The following CBFA2T3 variants were observed in gnomAD, a reference collection of about 807,000 sequenced individuals.
The protein encoded by CBFA2T3 is CBFA2/RUNX1 partner transcriptional co-repressor 3.
CBFA2T3 carries 31 observed loss-of-function variants against 58.6 expected under a neutral mutation model. That is an observed-to-expected ratio of 0.53 (90% CI 0.40 to 0.71). The LOEUF is 0.71. Ranked by LOEUF, CBFA2T3 falls within the 30% of genes least tolerant of loss-of-function variation. The pLI is 0.00. For missense variants in CBFA2T3, 1,076 were observed against 963.1 expected (o/e 1.12, Z -1.55); for synonymous variants, 531 against 421.9 (o/e 1.26, Z -3.17).
chr16:88,917,710 AAGAATGTTTTCCCTGAAGTGCC>A (rs1418393722), intron 1 of CBFA2T3, among the ~76,000 whole-genome samples: 2 of 152,202 alleles, frequency 1.3e-5, no homozygotes, highest in African/African-American at 2.4e-5. Flanking sequence ...GCGTCAAGTC[AAGAATGTTTTCCCTGAAGTGCC>A]AGAATGTTCC....
chr16:88,941,058 C>T (rs1406880468), intron 1 of CBFA2T3: 3 of 985,550 alleles, frequency 3.0e-6, no homozygotes, highest in South Asian at 9.2e-5. Flanking sequence ...CGGCGGACGG[C>T]GCACACTCGC....
At chr16:88,941,256 C>G (rs1341543211) in intron 1 of CBFA2T3, 8 of 814,548 alleles carry the variant, frequency 9.8e-6, no homozygotes, top group East Asian at 1.3e-4. Flanking sequence ...AAAGCGCGCA[C>G]CCCGCCCGGG....
intron 1 of CBFA2T3, among the ~76,000 whole-genome samples, chr16:88,933,937 C>CG (rs1474276360): frequency 7.1e-6 from 1 of 140,918 alleles, no homozygotes; most frequent in Non-Finnish European, 1.6e-5. Flanking sequence ...ACGCTGCCCC[C>CG]GGGAGAGCTG....
At chr16:88,969,786 C>G (rs78823527) in intron 1 of CBFA2T3, among the ~76,000 whole-genome samples, 3,990 of 152,320 alleles carry the variant, frequency 0.026, 178 homozygotes, top group African/African-American at 0.091. Flanking sequence ...GTGGGCCCTA[C>G]TAGAGGGCAC....
chr16:88,881,125 C>G (rs1309999837), intron 9 of CBFA2T3, 166 bp downstream of exon 9: 1 of 757,882 alleles, frequency 1.3e-6, no homozygotes, highest in Non-Finnish European at 2.3e-6. Context: ...CTCCAGGCTT[C>G]CTGGCAGACC....
chr16:88,878,743 C>T (rs1034157886), intron 11 of CBFA2T3, among the ~76,000 whole-genome samples: 10 of 152,134 alleles, frequency 6.6e-5, no homozygotes, highest in South Asian at 4.1e-4. Flanking sequence ...GTCAGGAGTT[C>T]GAGACCAGCC....
chr16:88,891,725 T>C (rs1444847948), intron 5 of CBFA2T3, among the ~76,000 whole-genome samples, 157 bp downstream of exon 5: 2 of 151,856 alleles, frequency 1.3e-5, no homozygotes, highest in Non-Finnish European at 2.9e-5. Context: ...GGGTCCCAGG[T>C]TGGCCAAGAT....
intron 1 of CBFA2T3, among the ~76,000 whole-genome samples, chr16:88,921,949 C>T (rs903294303): frequency 3.3e-5 from 5 of 152,256 alleles, no homozygotes; most frequent in African/African-American, 1.2e-4. Flanking sequence ...CATTTTGACT[C>T]CCAGTTCACA....
At chr16:88,973,420 C>A (rs1458646214) in intron 1 of CBFA2T3, among the ~76,000 whole-genome samples, 1 of 152,198 alleles carries the variant, frequency 6.6e-6, no homozygotes, top group South Asian at 2.1e-4. Context: ...GCCTTAGTTT[C>A]GGACTTCCAG....
intron 1 of CBFA2T3, among the ~76,000 whole-genome samples, chr16:88,954,067 G>T (rs1182726540): frequency 6.6e-6 from 1 of 152,148 alleles, no homozygotes; most frequent in Non-Finnish European, 1.5e-5. Flanking sequence ...CCCCTCTACA[G>T]CTGCCAGTCA....
chr16:88,936,420 C>T (rs7204277), intron 1 of CBFA2T3, among the ~76,000 whole-genome samples: 3,668 of 151,748 alleles, frequency 0.024, 163 homozygotes, highest in African/African-American at 0.085. Flanking sequence ...TCCACCACGA[C>T]CCCAGCCTCA....
At chr16:88,937,598 C>T (rs1044625696) in intron 1 of CBFA2T3, 1 of 152,306 alleles carries the variant, frequency 6.6e-6, no homozygotes, top group Non-Finnish European at 1.5e-5. Flanking sequence ...GCGTCGGGCT[C>T]CTGCGCTGTG....
In CBFA2T3 at chr16:88,885,341, G is replaced by A; in HGVS notation, c.894-72C>T. The A allele has an allele frequency of 9.2e-7, 1 of 1,086,924 alleles. No individual in the cohort carries two copies. The highest frequency in any genetic ancestry group is 1.7e-5 in the South Asian group (1 of 59,536). The allele number at this position is 1,086,924 out of a possible 1,614,324, so 67.3% of individuals were successfully genotyped here. On this transcript the variant is annotated intron_variant, in intron 6 of 11. Coordinates refer to ENST00000268679, the MANE Select transcript of CBFA2T3 (RefSeq NM_005187.6). The surrounding 1 kb of genome is among the most constrained non-coding windows in gnomAD (Gnocchi z 5.3). ...CCGGGGACAGAGGTGCAGGTGGGGT[G>A]AGAGGCAGACAGGCAAGGGCAGAGA...
At chr16:88,927,445 G>A (rs1294132218) in intron 1 of CBFA2T3, among the ~76,000 whole-genome samples, 3 of 152,306 alleles carry the variant, frequency 2.0e-5, no homozygotes, top group South Asian at 2.1e-4. Context: ...GAATCCTGCC[G>A]GGGTGGAGGA....
chr16:88,898,136 A>G lies in CBFA2T3; in HGVS notation c.321T>C (p.Pro107=). 1 of 1,612,708 alleles carries G rather than the reference A, an allele frequency of 6.2e-7. No individual in the cohort carries two copies. Among genetic ancestry groups the G allele is most frequent in the Non-Finnish European group, 8.5e-7 (1 of 1,179,394 alleles). Residue 107 remains proline, a synonymous_variant, in exon 3 of 12, where the codon CCT becomes CCC. Transcript: ENST00000268679. ...FTPHTHREDG[P]ATLPHGRFHG... is the part of the protein sequence containing the mutation. ...GAAAACGGCCGTGGGGCAGCGTCGC[A>G]GGCCCGTCCTCTCGATCTGTAAGCA... is the stretch of plus-strand genomic sequence containing the variant.
intron 3 of CBFA2T3, among the ~76,000 whole-genome samples, chr16:88,896,264 G>A (rs1350703489): frequency 6.6e-6 from 1 of 152,166 alleles, no homozygotes; most frequent in Admixed American, 6.5e-5. Context: ...TGCTGGGGCC[G>A]CGAACCTCCA....
chr16:88,974,233 G>A (rs1015583822), intron 1 of CBFA2T3, among the ~76,000 whole-genome samples: 16 of 152,166 alleles, frequency 1.1e-4, no homozygotes, highest in African/African-American at 3.1e-4. Flanking sequence ...GGGACAAGGC[G>A]GTGAGAGCCT....
At chr16:88,934,489 TGGCCGGCAC>T (rs1447287057) in intron 1 of CBFA2T3, among the ~76,000 whole-genome samples, 2 of 152,334 alleles carry the variant, frequency 1.3e-5, no homozygotes, top group South Asian at 2.1e-4. Flanking sequence ...GCCACACACC[TGGCCGGCAC>T]GGCCGGCACC....
In CBFA2T3 at chr16:88,958,032, G is replaced by C. The variant is rs1262437336; in HGVS notation, c.151+18625C>G. On this transcript the variant is annotated intron_variant, in intron 1 of 11. Transcript: ENST00000268679. The surrounding 1 kb of genome is among the most constrained non-coding windows in gnomAD (Gnocchi z 4.0). ...ACAAGGCTGCTGGAAAACCACAGTA[G>C]ACCCGGAACGAAAGTACCTGTGAGC... 6.6e-6 allele frequency among the ~76,000 whole-genome samples: 1 copy of C among 152,214 alleles called. No homozygotes were observed. Among genetic ancestry groups the C allele is most frequent in the African/African-American group, 2.4e-5 (1 of 41,452 alleles).
Sources: gnomAD v4.1 joint callset for allele counts (sites outside exome capture counted in the v4.1 genomes callset) on GRCh38, gnomAD v4.1.1 for gene constraint, Gnocchi (gnomAD v3.1) non-coding constraint, MANE v1.5 for transcripts, NCBI Gene and HGNC (gene_info 2026-07-23, HGNC 2026-07-21) for gene names.